The following PLSCR1 variants were observed in gnomAD, a reference collection of about 807,000 sequenced individuals.
PLSCR1 encodes phospholipid scramblase 1, also known as PL scramblase 1.
In PLSCR1, 17 loss-of-function variants were observed where a neutral mutation model predicts 37.8. That is an observed-to-expected ratio of 0.45 (90% CI 0.31 to 0.68). PLSCR1 has a LOEUF of 0.68. PLSCR1 is among the 30% of genes least tolerant of loss of function. The probability of loss-of-function intolerance (pLI) is 0.06; values close to 1 mark genes in which losing one functional copy is unlikely to be tolerated. For synonymous variants in PLSCR1, 116 were observed against 125.9 expected, an observed-to-expected ratio of 0.92 and a Z score of 0.53; for missense variants, 347 against 380.9, an observed-to-expected ratio of 0.91 and a Z score of 0.74.
chr3:146,539,267 C>T (rs970347358), intron 1 of PLSCR1, among the ~76,000 whole-genome samples: 2 of 152,150 alleles, frequency 1.3e-5, no homozygotes, highest in East Asian at 3.9e-4. Context: ...AGGGTTCTTG[C>T]TCCTATGAGA....
chr3:146,522,948 T>C (rs2044049570), intron 5 of PLSCR1, among the ~76,000 whole-genome samples: 1 of 152,218 alleles, frequency 6.6e-6, no homozygotes, highest in Non-Finnish European at 1.5e-5. Flanking sequence ...TACCTTTTTA[T>C]GATGCAGAGA....
intron 1 of PLSCR1, among the ~76,000 whole-genome samples, chr3:146,541,678 T>G (rs2044340013): frequency 6.6e-6 from 1 of 152,246 alleles, no homozygotes; most frequent in South Asian, 2.1e-4. Flanking sequence ...AATTTACTCT[T>G]GTGCCACTTA....
intron 4 of PLSCR1, 39 bp downstream of exon 4, chr3:146,528,575 G>A (rs1424174285): frequency 6.7e-7 from 1 of 1,501,336 alleles, no homozygotes; most frequent in Non-Finnish European, 9.3e-7. Flanking sequence ...TGGAAGCACA[G>A]TTCTGTTTTT....
intron 8 of PLSCR1, 167 bp downstream of exon 8, chr3:146,516,839 C>A: frequency 1.9e-6 from 1 of 535,358 alleles, no homozygotes; most frequent in Non-Finnish European, 3.2e-6. Flanking sequence ...ACCTGTGACC[C>A]CAGAGTGTCA....
At chr3:146,535,360 G>T (rs898951775) in intron 2 of PLSCR1, among the ~76,000 whole-genome samples, 2 of 152,002 alleles carry the variant, frequency 1.3e-5, no homozygotes, top group African/African-American at 4.8e-5. Context: ...ATTCCAGGGG[G>T]AATTCATACA....
intron 5 of PLSCR1, among the ~76,000 whole-genome samples, chr3:146,523,167 TC>T (rs1269378852): frequency 6.6e-6 from 1 of 152,248 alleles, no homozygotes. Flanking sequence ...TCTTTTCTTT[TC>T]CAAGTCTCTC....
chr3:146,536,065 T>G (rs1227405141), intron 2 of PLSCR1, among the ~76,000 whole-genome samples: 1 of 152,170 alleles, frequency 6.6e-6, no homozygotes, highest in Non-Finnish European at 1.5e-5. Context: ...TACTTAGAAT[T>G]TTCTTGAGAG....
Position 146,515,320 on chromosome 3 carries a change from GT to G in PLSCR1, c.*724del, listed in dbSNP as rs1175629103. ...ATTACCATTTTCTAGGAAGGATAGA[GT>G]GTAAGAGCTAAACATTTCATGTAGA... On this transcript the variant is annotated 3_prime_UTR_variant, in exon 9 of 9. Transcript: ENST00000342435. 6.6e-6 allele frequency: 1 copy of G among 152,096 alleles called. No individual in the cohort carries two copies. Among genetic ancestry groups the G allele is most frequent in the African/African-American group, 2.4e-5 (1 of 41,444 alleles). 9.4% of individuals were successfully genotyped at this position (152,096 alleles called of 1,614,324 possible). A position where few individuals can be genotyped will look rare whatever the true frequency, so the allele number is the denominator to read the frequency against.
intron 2 of PLSCR1, among the ~76,000 whole-genome samples, chr3:146,535,707 A>G (rs59690244): frequency 6.6e-6 from 1 of 152,154 alleles, no homozygotes; most frequent in Non-Finnish European, 1.5e-5. Context: ...GTCTGTGGCA[A>G]ATAAACCAGT....
chr3:146,535,393 G>C (rs992709521), intron 2 of PLSCR1, among the ~76,000 whole-genome samples: 1 of 152,056 alleles, frequency 6.6e-6, no homozygotes, highest in South Asian at 2.1e-4. Flanking sequence ...GAATGGGCAG[G>C]TGTTCAAGCA....
intron 2 of PLSCR1, 122 bp downstream of exon 2, chr3:146,536,418 A>T (rs1239597036): frequency 1.6e-6 from 1 of 639,278 alleles, no homozygotes; most frequent in Non-Finnish European, 2.9e-6. Flanking sequence ...ATTCTGGAGC[A>T]TAAACAACAG....
intron 5 of PLSCR1, 56 bp downstream of exon 5, chr3:146,525,549 T>C: frequency 1.1e-6 from 1 of 885,280 alleles, no homozygotes; most frequent in Non-Finnish European, 1.9e-6. Flanking sequence ...AATGTGCCTT[T>C]ATCTGCATAA....
chr3:146,537,588 T>C (rs2044282080), intron 1 of PLSCR1, among the ~76,000 whole-genome samples: 1 of 152,112 alleles, frequency 6.6e-6, no homozygotes, highest in Admixed American at 6.6e-5. Context: ...CAGAATTATT[T>C]TTTGGCCAGG....
At chr3:146,538,096 A>G (rs2044290098) in intron 1 of PLSCR1, 1 of 152,254 alleles carries the variant, frequency 6.6e-6, no homozygotes, top group African/African-American at 2.4e-5. Context: ...AGATTTTCTT[A>G]GGACAATAGG....
At chr3:146,528,936 C>T in intron 3 of PLSCR1, 105 bp from the exon 4 acceptor site, 1 of 742,538 alleles carries the variant, frequency 1.3e-6, no homozygotes, top group Non-Finnish European at 2.2e-6. Context: ...TCAGCGTAGA[C>T]ATCTGTATCT....
At chr3:146,544,125 T>C (rs1014934504) in intron 1 of PLSCR1, among the ~76,000 whole-genome samples, 4 of 152,170 alleles carry the variant, frequency 2.6e-5, no homozygotes, top group African/African-American at 7.2e-5. Context: ...TAAAGCAGTG[T>C]AGCTAAGGGG....
At chr3:146,537,763 G>A (rs530922820) in intron 1 of PLSCR1, among the ~76,000 whole-genome samples, 11 of 152,218 alleles carry the variant, frequency 7.2e-5, no homozygotes, top group South Asian at 6.2e-4. Context: ...CCAACTACTC[G>A]GGAGGTTGAG....
intron 7 of PLSCR1, chr3:146,520,299 T>C (rs984588451): frequency 2.6e-5 from 4 of 152,138 alleles, no homozygotes; most frequent in Admixed American, 2.0e-4. Context: ...GATTACACAA[T>C]GTTTTTCCAG....
At position 146,524,588 on chromosome 3, in the gene PLSCR1, G is replaced by A. The variant is rs1049687502; in HGVS notation, c.355+1017C>T. ...AAAGATAAATAGTGTGCTGTGTAATGTTTGGTTATATGTCTGTTTGGATTT... is the reference window on the plus strand; with the variant it reads ...AAAGATAAATAGTGTGCTGTGTAATATTTGGTTATATGTCTGTTTGGATTT... On this transcript the variant is annotated intron_variant, in intron 5 of 8. Transcript: ENST00000342435. Among the ~76,000 whole-genome samples the A allele has an allele frequency of 2.0e-5, 3 of 152,072 alleles. No homozygotes were observed. The East Asian group carries it at 5.8e-4, about 29-fold the overall frequency.
Sources: allele counts gnomAD v4.1 joint callset (sites outside exome capture counted in the v4.1 genomes callset), GRCh38; gene constraint gnomAD v4.1.1; transcripts MANE v1.5; gene names NCBI Gene and HGNC (gene_info 2026-07-23, HGNC 2026-07-21).